The following ANKFN1 variants were observed in gnomAD, a reference collection of about 807,000 sequenced individuals.
ANKFN1 encodes ankyrin repeat and fibronectin type-III domain-containing protein 1.
In ANKFN1, 74 loss-of-function variants were observed where a neutral mutation model predicts 108.7. The ratio of observed to expected loss-of-function variants is 0.68; its 90% confidence interval spans 0.56 to 0.83. ANKFN1 has a LOEUF of 0.83. Ranked by LOEUF, ANKFN1 falls within the 40% of genes least tolerant of loss-of-function variation. The pLI is 0.00. For synonymous variants in ANKFN1, 547 were observed against 516.2 expected (o/e 1.06, Z -0.81); for missense variants, 1,505 against 1,382.3 (o/e 1.09, Z -1.41).
At chr17:56,404,530 G>A (rs1043704043) in intron 8 of ANKFN1, among the ~76,000 whole-genome samples, 3 of 152,022 alleles carry the variant, frequency 2.0e-5, no homozygotes, top group South Asian at 2.1e-4. Flanking sequence ...TTCTTCAAGC[G>A]ATCTATGTCC....
intron 11 of ANKFN1, among the ~76,000 whole-genome samples, chr17:56,452,140 A>G (rs1234871183): frequency 6.6e-6 from 1 of 152,192 alleles, no homozygotes; most frequent in Non-Finnish European, 1.5e-5. Flanking sequence ...ATGAATTTAT[A>G]TTATTATCCA....
At chr17:56,091,494 A>T (rs974523820) in intron 4 of ANKFN1, among the ~76,000 whole-genome samples, 5 of 150,466 alleles carry the variant, frequency 3.3e-5, no homozygotes, top group Non-Finnish European at 7.4e-5. Context: ...TTTCACTGCA[A>T]CATTTGACAT....
intron 15 of ANKFN1, among the ~76,000 whole-genome samples, chr17:56,467,358 C>T (rs1159870375): frequency 1.3e-5 from 2 of 151,984 alleles, no homozygotes; most frequent in African/African-American, 4.8e-5. Flanking sequence ...TTGGGACAGA[C>T]AGGCATGATT....
chr17:56,364,849 A>G (rs1444600695), intron 6 of ANKFN1, among the ~76,000 whole-genome samples: 3 of 152,230 alleles, frequency 2.0e-5, no homozygotes, highest in Admixed American at 2.0e-4. Flanking sequence ...AAAATGAAAC[A>G]TTTAATCTCC....
chr17:56,294,249 C>T (rs1324060688), intron 3 of ANKFN1, among the ~76,000 whole-genome samples: 2 of 152,206 alleles, frequency 1.3e-5, no homozygotes, highest in Non-Finnish European at 2.9e-5. Flanking sequence ...CCCTGTTTCC[C>T]TCCAGTGGCT....
intron 2 of ANKFN1, chr17:56,224,698 A>G (rs1159512307): frequency 6.6e-6 from 1 of 152,206 alleles, no homozygotes; most frequent in Non-Finnish European, 1.5e-5. Flanking sequence ...GTTGAGATCA[A>G]TGAATGGTAT....
Position 56,448,289 on chromosome 17 carries a change from C to A in ANKFN1, c.1100-790C>A, listed in dbSNP as rs28583721. Among the ~76,000 whole-genome samples, 20 of 148,876 alleles carry A rather than the reference C, an allele frequency of 1.3e-4. 2 individuals carry two copies. The highest frequency in any genetic ancestry group is 4.0e-4 in the African/African-American group (16 of 40,500). On this transcript the variant is annotated intron_variant, in intron 10 of 20. Coordinates refer to ENST00000682825, the MANE Select transcript of ANKFN1 (RefSeq NM_001370326.1). ...ATGACTGACCTGCTGAAAAAAAAAA[C>A]AAAAAAACAAGAGTTGGAGACAGCA...
Position 56,492,199 on chromosome 17 carries a change from G to C in ANKFN1, c.2273G>C (p.Ser758Thr). 1.4e-6 allele frequency: 1 copy of C among 700,438 alleles called. No individual in the cohort carries two copies. The highest frequency in any genetic ancestry group is 2.6e-6 in the Non-Finnish European group (1 of 383,096). 43.4% of individuals were successfully genotyped at this position (700,438 alleles called of 1,614,324 possible). ...LQMFELVHFC[S>T]YREKFISLYC... is the part of the protein sequence containing the mutation. ...GTCCATTTTCCAGTTCATTTTTGCAGCTACAGAGAGAAATTTATTAGTCTG... is the reference window on the plus strand; with the variant it reads ...GTCCATTTTCCAGTTCATTTTTGCACCTACAGAGAGAAATTTATTAGTCTG... Residue 758 changes from serine (S) to threonine (T), a missense_variant, in exon 19 of 21, where the codon AGC becomes ACC. By Grantham distance (58) the Ser-to-Thr change is moderately conservative. Coordinates refer to ENST00000682825, the MANE Select transcript of ANKFN1 (RefSeq NM_001370326.1).
chr17:56,174,227 G>A (rs990095995), intron 1 of ANKFN1: 5 of 985,412 alleles, frequency 5.1e-6, no homozygotes, highest in East Asian at 1.1e-4. Flanking sequence ...CTCTTTGCCA[G>A]CAGCTCTTCA....
At chr17:56,133,082 C>T (rs2143353939) in intron 4 of ANKFN1, among the ~76,000 whole-genome samples, 1 of 152,274 alleles carries the variant, frequency 6.6e-6, no homozygotes, top group South Asian at 2.1e-4. Flanking sequence ...ACCATTCAGG[C>T]TTACCTTTCT....
chr17:56,144,264 T>G (rs1245097958), intron 4 of ANKFN1, among the ~76,000 whole-genome samples: 1 of 149,628 alleles, frequency 6.7e-6, no homozygotes. Context: ...ATTGAATCTA[T>G]CAGCTATGGT....
In ANKFN1 at chr17:56,514,763, C is replaced by G. The variant is rs2051867191; in HGVS notation, c.*3494C>G. 6.6e-6 allele frequency among the ~76,000 whole-genome samples: 1 copy of G among 152,158 alleles called. No homozygotes were observed. Among genetic ancestry groups the G allele is most frequent in the Non-Finnish European group, 1.5e-5 (1 of 68,032 alleles). ...TCCTCTTTCCTGAAGGATCCCAAAG[C>G]ACTTTATGAAAAGCAATGACTGAAG... On this transcript the variant is annotated 3_prime_UTR_variant, in exon 21 of 21. Transcript: ENST00000682825.
intron 4 of ANKFN1, among the ~76,000 whole-genome samples, chr17:56,129,537 ATGGG>A (rs1294787794): frequency 4.6e-5 from 7 of 152,092 alleles, no homozygotes; most frequent in Admixed American, 3.9e-4. Flanking sequence ...TGGAAAAGTC[ATGGG>A]AATTCTTTTT....
intron 1 of ANKFN1, among the ~76,000 whole-genome samples, chr17:56,168,997 C>T (rs754309701): frequency 4.6e-5 from 7 of 152,024 alleles, no homozygotes; most frequent in Non-Finnish European, 7.4e-5. Context: ...TGGAGGGAAC[C>T]GAGCCTGCTT....
At chr17:56,340,258 G>C (rs1224078208) in intron 4 of ANKFN1, among the ~76,000 whole-genome samples, 1 of 152,086 alleles carries the variant, frequency 6.6e-6, no homozygotes, top group East Asian at 1.9e-4. Context: ...TAAGTTGTCT[G>C]TTTACTGTGT....
In ANKFN1 at chr17:56,515,065, TTAACAGCTTA is replaced by T. The variant is rs1427978119; in HGVS notation, c.*3797_*3806del. ...ACTTACCTTCTCTTGGAGAACTCAC[TTAACAGCTTA>T]AGTGAGTTCTCCAAGAGAAGGTATG... On this transcript the variant is annotated 3_prime_UTR_variant, in exon 21 of 21. Coordinates refer to ENST00000682825, the MANE Select transcript of ANKFN1 (RefSeq NM_001370326.1). Among the ~76,000 whole-genome samples, 3 of 151,936 alleles carry T rather than the reference TTAACAGCTTA, an allele frequency of 2.0e-5. No individual in the cohort carries two copies. The highest frequency in any genetic ancestry group is 4.4e-5 in the Non-Finnish European group (3 of 67,982).
chr17:56,366,136 T>A (rs2046655375), intron 6 of ANKFN1, among the ~76,000 whole-genome samples: 1 of 152,206 alleles, frequency 6.6e-6, no homozygotes, highest in Non-Finnish European at 1.5e-5. Context: ...TGTGTTTGTG[T>A]CTTGATTTTT....
At chr17:56,215,274 T>TA (rs1915340821) in intron 2 of ANKFN1, among the ~76,000 whole-genome samples, 1 of 152,208 alleles carries the variant, frequency 6.6e-6, no homozygotes, top group Non-Finnish European at 1.5e-5. Context: ...ATCTATCGCT[T>TA]ACCAGCTGTG....
chr17:56,247,751 T>G lies in ANKFN1; in HGVS notation c.53+19794T>G, dbSNP rs1402353667. ...ATGCTTTCTTCCACACTGACTTGCC[T>G]CCTTCTTAAGATTGTCTATTAAAAC... is the stretch of plus-strand genomic sequence containing the variant. On this transcript the variant is annotated intron_variant, in intron 3 of 20. Transcript: ENST00000682825. Among the ~76,000 whole-genome samples the G allele has an allele frequency of 3.9e-5, 6 of 152,174 alleles. No homozygotes were observed. The East Asian group carries it at 1.2e-3, about 29-fold the overall frequency.
Sources: allele counts gnomAD v4.1 joint callset (sites outside exome capture counted in the v4.1 genomes callset), GRCh38; gene constraint gnomAD v4.1.1; transcripts MANE v1.5; gene names NCBI Gene and HGNC (gene_info 2026-07-23, HGNC 2026-07-21).